Variants in BMERB1 observed in about 807,000 individuals in gnomAD.
BMERB1 encodes the protein bMERB domain containing 1.
In BMERB1, 12 loss-of-function variants were observed where a neutral mutation model predicts 23.6. That is an observed-to-expected ratio of 0.51 (90% CI 0.33 to 0.82). The LOEUF (loss-of-function observed/expected upper bound fraction) is 0.82. Ranked by LOEUF, BMERB1 falls within the 40% of genes least tolerant of loss-of-function variation. BMERB1 has a pLI of 0.03. For missense variants in BMERB1, 247 were observed against 255.4 expected, an observed-to-expected ratio of 0.97 and a Z score of 0.22; for synonymous variants, 122 against 96.6, an observed-to-expected ratio of 1.26 and a Z score of -1.54.
intron 2 of BMERB1, among the ~76,000 whole-genome samples, chr16:15,542,064 CTTT>C (rs1462459265): frequency 7.8e-6 from 1 of 127,832 alleles, no homozygotes; most frequent in Admixed American, 7.8e-5. Flanking sequence ...GACCACCTGT[CTTT>C]TTTTTTTTTT....
At chr16:15,540,465 G>A (rs2052067855) in intron 2 of BMERB1, among the ~76,000 whole-genome samples, 2 of 152,126 alleles carry the variant, frequency 1.3e-5, no homozygotes, top group Non-Finnish European at 2.9e-5. Flanking sequence ...GGTGGAGGTT[G>A]CAGTGAGCTG....
chr16:15,585,567 T>G lies in BMERB1; in HGVS notation c.503-1150T>G, dbSNP rs1206300690. Among the ~76,000 whole-genome samples the G allele has an allele frequency of 2.0e-5, 3 of 152,034 alleles. No individual in the cohort carries two copies. In the East Asian group the frequency reaches 5.8e-4, roughly 29 times the overall value. On this transcript the variant is annotated intron_variant, in intron 5 of 5. Transcript: ENST00000300006. ...AAAAACCCGGCCGGGCACAGTGGCT[T>G]ATGTCTGTAATCCCAGCACTTTGGG...
chr16:15,553,398 C>T (rs954359622), intron 2 of BMERB1, among the ~76,000 whole-genome samples: 4 of 152,180 alleles, frequency 2.6e-5, no homozygotes, highest in African/African-American at 9.7e-5. Context: ...TTGCTCTAGC[C>T]AGGAGGTCAA....
intron 1 of BMERB1, among the ~76,000 whole-genome samples, chr16:15,470,825 C>CT (rs35873574): frequency 0.1 from 5,065 of 49,490 alleles, 1,260 homozygotes; most frequent in Non-Finnish European, 0.14. Context: ...CACCTGGCCT[C>CT]TTTTTTTTTT....
At chr16:15,515,158 C>T (rs1157645176) in intron 1 of BMERB1, 147 bp from the exon 2 acceptor site, 6 of 1,034,354 alleles carry the variant, frequency 5.8e-6, no homozygotes, top group Non-Finnish European at 8.5e-6. Context: ...GGTGTGCTCA[C>T]GAATACACAT....
intron 2 of BMERB1, among the ~76,000 whole-genome samples, chr16:15,522,336 TTTA>T (rs1299849112): frequency 6.6e-6 from 1 of 152,064 alleles, no homozygotes; most frequent in African/African-American, 2.4e-5. Context: ...GTAACTTCGT[TTTA>T]TTAAGAGGTA....
intron 2 of BMERB1, among the ~76,000 whole-genome samples, chr16:15,526,653 G>A (rs1325716866): frequency 3.4e-5 from 4 of 118,212 alleles, no homozygotes; most frequent in Non-Finnish European, 6.4e-5. Flanking sequence ...AACAGAGCGA[G>A]ACTGCATCTC....
At chr16:15,583,488 G>A (rs929303301) in intron 5 of BMERB1, among the ~76,000 whole-genome samples, 1 of 147,930 alleles carries the variant, frequency 6.8e-6, no homozygotes, top group Non-Finnish European at 1.5e-5. Context: ...TGAGGCAGGA[G>A]AATTGCTTGA....
chr16:15,455,169 C>G (rs1567452765), intron 1 of BMERB1, among the ~76,000 whole-genome samples: 1 of 151,636 alleles, frequency 6.6e-6, no homozygotes, highest in Non-Finnish European at 1.5e-5. Context: ...ACTAAAGATA[C>G]AGACATTAGC....
At chr16:15,537,663 A>C (rs1025186776) in intron 2 of BMERB1, among the ~76,000 whole-genome samples, 3 of 139,286 alleles carry the variant, frequency 2.2e-5, no homozygotes, top group Non-Finnish European at 4.6e-5. Flanking sequence ...CGAGAAATAT[A>C]TATGTATTTT....
chr16:15,495,365 T>G (rs1449426298), intron 1 of BMERB1, among the ~76,000 whole-genome samples: 1 of 151,252 alleles, frequency 6.6e-6, no homozygotes, highest in Non-Finnish European at 1.5e-5. Flanking sequence ...CCAGCTAAGT[T>G]TTTTGTTTTT....
chr16:15,526,663 CAAAAA>C (rs57236824), intron 2 of BMERB1, among the ~76,000 whole-genome samples: 2 of 50,868 alleles, frequency 3.9e-5, no homozygotes, highest in Admixed American at 2.1e-4. Context: ...GACTGCATCT[CAAAAA>C]AAAAAAAAAA....
chr16:15,464,896 T>C (rs2051168371), intron 1 of BMERB1, among the ~76,000 whole-genome samples: 1 of 152,186 alleles, frequency 6.6e-6, no homozygotes, highest in Non-Finnish European at 1.5e-5. Flanking sequence ...TAAGAATGCC[T>C]GACTTCCTGG....
chr16:15,547,216 T>C (rs2150964862), intron 2 of BMERB1, among the ~76,000 whole-genome samples: 1 of 152,104 alleles, frequency 6.6e-6, no homozygotes, highest in Non-Finnish European at 1.5e-5. Context: ...TTCACTATGT[T>C]GGCCAGGCTG....
intron 2 of BMERB1, chr16:15,533,162 C>T (rs2150960156): frequency 6.1e-6 from 2 of 325,284 alleles, no homozygotes; most frequent in East Asian, 9.2e-5. Flanking sequence ...TGTTACTTTC[C>T]TTTACCACCA....
intron 2 of BMERB1, among the ~76,000 whole-genome samples, chr16:15,517,901 G>C (rs1412616767): frequency 7.1e-6 from 1 of 141,540 alleles, no homozygotes; most frequent in South Asian, 2.2e-4. Context: ...GTGTGGATCT[G>C]TGTGTGTGTA....
chr16:15,472,414 C>T (rs1269563615), intron 1 of BMERB1, among the ~76,000 whole-genome samples: 3 of 152,184 alleles, frequency 2.0e-5, no homozygotes, highest in Non-Finnish European at 2.9e-5. Flanking sequence ...ATCTTTGTTT[C>T]ATGCATCTTC....
chr16:15,562,044 A>C (rs2030436053), intron 2 of BMERB1, among the ~76,000 whole-genome samples: 1 of 152,100 alleles, frequency 6.6e-6, no homozygotes. Flanking sequence ...GCGGTGGCTC[A>C]CGCCTATCAT....
At position 15,520,265 on chromosome 16, in the gene BMERB1, T is replaced by C. The variant is rs531825885; in HGVS notation, c.230+4837T>C. On this transcript the variant is annotated intron_variant, in intron 2 of 5. Coordinates refer to ENST00000300006, the MANE Select transcript of BMERB1 (RefSeq NM_033201.3). ...TAACCTTAAGCTGTTCTGTTATCTT[T>C]ATTCTCAATGCCAGGACCCCTTTTC... Among the ~76,000 whole-genome samples, 13 of 152,232 alleles carry C rather than the reference T, an allele frequency of 8.5e-5. No individual in the cohort carries two copies. The East Asian group carries it at 1.4e-3, about 16-fold the overall frequency.
Sources: gnomAD v4.1 joint callset for allele counts (sites outside exome capture counted in the v4.1 genomes callset) on GRCh38, gnomAD v4.1.1 for gene constraint, MANE v1.5 for transcripts, NCBI Gene and HGNC (gene_info 2026-07-23, HGNC 2026-07-21) for gene names.